MCTP2: variants seen among roughly 807,000 people sequenced by gnomAD.
MCTP2 encodes the protein multiple C2 and transmembrane domain-containing protein 2.
A neutral mutation model predicts 111.6 loss-of-function variants in MCTP2; 132 were observed. The observed-to-expected ratio is 1.18, with a 90% CI of 1.03 to 1.37. MCTP2 has a LOEUF of 1.37. Ranked by LOEUF, MCTP2 falls within the 40% of genes most tolerant of loss-of-function variation. The pLI is 0.00. For missense variants in MCTP2, 1,183 were observed against 1,067.9 expected (o/e 1.11, Z -1.50); for synonymous variants, 395 against 387.7 (o/e 1.02, Z -0.22).
At chr15:94,342,808 A>G (rs2077729431) in intron 7 of MCTP2, 2 of 150,722 alleles carry the variant, frequency 1.3e-5, no homozygotes, top group African/African-American at 4.9e-5. Flanking sequence ...CTCCATATCC[A>G]TATTTATTCA....
intron 18 of MCTP2, 80 bp downstream of exon 18, chr15:94,440,378 G>A: frequency 6.4e-7 from 1 of 1,570,638 alleles, no homozygotes; most frequent in Non-Finnish European, 8.7e-7. Context: ...CCAAATCATG[G>A]CCCAAGTCCA....
rs367626496 is a variant in MCTP2, at chr15:94,320,657, A to C, written c.637+5020A>C. Among the ~76,000 whole-genome samples, 12 of 152,336 alleles carry C rather than the reference A, an allele frequency of 7.9e-5. No homozygotes were observed. In the East Asian group the frequency reaches 1.9e-3, roughly 24 times the overall value. On this transcript the variant is annotated intron_variant, in intron 4 of 22. Coordinates refer to ENST00000357742, the MANE Select transcript of MCTP2 (RefSeq NM_001385001.1). Reference sequence around the variant, plus strand: ...CAACAAGCATGTCTTGGGTTTCCTCAGTGAAATGGGCACTACACTGGTGTT... The same window carrying C: ...CAACAAGCATGTCTTGGGTTTCCTCCGTGAAATGGGCACTACACTGGTGTT...
intron 4 of MCTP2, 50 bp from the exon 5 acceptor site, chr15:94,339,240 G>A (rs1337070370): frequency 1.4e-6 from 2 of 1,394,438 alleles, no homozygotes; most frequent in African/African-American, 2.9e-5. Flanking sequence ...AAAGTCCCAG[G>A]CTTTTACATG....
At chr15:94,416,950 C>A (rs2082404756) in intron 17 of MCTP2, among the ~76,000 whole-genome samples, 1 of 152,226 alleles carries the variant, frequency 6.6e-6, no homozygotes, top group East Asian at 1.9e-4. Context: ...TAATGTGAGA[C>A]TAAGGATTTA....
chr15:94,336,625 G>A (rs941154998), intron 4 of MCTP2, among the ~76,000 whole-genome samples: 23 of 151,978 alleles, frequency 1.5e-4, no homozygotes, highest in Admixed American at 3.3e-4. Flanking sequence ...AGGAAGGGAA[G>A]TGGGTGCAAC....
intron 4 of MCTP2, among the ~76,000 whole-genome samples, chr15:94,338,744 C>T (rs1023030035): frequency 6.6e-6 from 1 of 152,158 alleles, no homozygotes; most frequent in Non-Finnish European, 1.5e-5. Flanking sequence ...GGTGCGGGGA[C>T]GCAGCAAAGA....
intron 20 of MCTP2, among the ~76,000 whole-genome samples, chr15:94,458,560 C>G (rs979434305): frequency 6.6e-6 from 1 of 152,102 alleles, no homozygotes; most frequent in Non-Finnish European, 1.5e-5. Flanking sequence ...TTACCCTATT[C>G]AGAAATAAAA....
chr15:94,267,361 C>T (rs968248077), intron 1 of MCTP2, among the ~76,000 whole-genome samples: 11 of 152,080 alleles, frequency 7.2e-5, no homozygotes, highest in African/African-American at 1.7e-4. Flanking sequence ...AATTTATAAG[C>T]GTTATGCTAT....
intron 17 of MCTP2, among the ~76,000 whole-genome samples, chr15:94,406,860 T>G (rs2081924040): frequency 7.8e-6 from 1 of 127,826 alleles, no homozygotes; most frequent in Non-Finnish European, 1.7e-5. Flanking sequence ...TTTCAGTTGT[T>G]TTTTTTTTTT....
At chr15:94,428,686 A>G (rs552655725) in intron 17 of MCTP2, among the ~76,000 whole-genome samples, 2 of 151,446 alleles carry the variant, frequency 1.3e-5, no homozygotes, top group Non-Finnish European at 2.9e-5. Context: ...TATATCTATA[A>G]CCTTGTTTCT....
chr15:94,243,479 A>G (rs1371294304), intron 1 of MCTP2, among the ~76,000 whole-genome samples: 1 of 146,696 alleles, frequency 6.8e-6, no homozygotes, highest in Non-Finnish European at 1.5e-5. Flanking sequence ...ATGCGTATGT[A>G]CACACATACG....
At position 94,447,820 on chromosome 15, in the gene MCTP2, G is replaced by GT. The variant is rs570294456; in HGVS notation, c.2250+4862dup. Among the ~76,000 whole-genome samples the GT allele has an allele frequency of 2.6e-4, 39 of 152,310 alleles. 1 individual carries two copies. The highest frequency in any genetic ancestry group is 2.3e-3 in the Admixed American group (35 of 15,302). ...AAAAGCCAGAGAGTATCTTTGAATG[G>GT]TTAACAATAGTTGCATGTGCACACA... On this transcript the variant is annotated intron_variant, in intron 19 of 22. Coordinates refer to ENST00000357742, the MANE Select transcript of MCTP2 (RefSeq NM_001385001.1).
intron 19 of MCTP2, among the ~76,000 whole-genome samples, chr15:94,444,696 G>A (rs2084017294): frequency 1.3e-5 from 2 of 152,188 alleles, no homozygotes; most frequent in African/African-American, 2.4e-5. Context: ...GAAACTCCAG[G>A]AATTTTAGGA....
chr15:94,297,710 G>A (rs557858625), intron 1 of MCTP2, among the ~76,000 whole-genome samples: 1 of 152,154 alleles, frequency 6.6e-6, no homozygotes, highest in Non-Finnish European at 1.5e-5. Context: ...TCGCACAGCA[G>A]AGTTGAGTAG....
chr15:94,432,842 T>C (rs551951528), intron 17 of MCTP2, among the ~76,000 whole-genome samples: 1 of 152,310 alleles, frequency 6.6e-6, no homozygotes, highest in East Asian at 1.9e-4. Flanking sequence ...AATGAGGAGA[T>C]CCCAGAGTAC....
chr15:94,297,471 T>C (rs949530116), intron 1 of MCTP2, among the ~76,000 whole-genome samples: 2 of 152,198 alleles, frequency 1.3e-5, no homozygotes, highest in Non-Finnish European at 2.9e-5. Context: ...TTTTTATAAA[T>C]GTGTTTTGCT....
At chr15:94,348,819 T>G (rs1260491525) in intron 8 of MCTP2, among the ~76,000 whole-genome samples, 1 of 151,986 alleles carries the variant, frequency 6.6e-6, no homozygotes, top group Non-Finnish European at 1.5e-5. Flanking sequence ...TGTTGTACTG[T>G]TTTTTTGTTT....
intron 1 of MCTP2, among the ~76,000 whole-genome samples, chr15:94,234,424 C>T (rs1483472682): frequency 2.0e-5 from 3 of 152,164 alleles, no homozygotes; most frequent in African/African-American, 7.2e-5. Context: ...TGATTGCAAT[C>T]CGGCTTCCCC....
chr15:94,235,794 G>T (rs536692826), intron 1 of MCTP2, among the ~76,000 whole-genome samples: 1 of 152,318 alleles, frequency 6.6e-6, no homozygotes, highest in South Asian at 2.1e-4. Flanking sequence ...AGGCTGTCTG[G>T]TTTTAGAACC....
Sources: gnomAD v4.1 joint callset for allele counts (sites outside exome capture counted in the v4.1 genomes callset) on GRCh38, gnomAD v4.1.1 for gene constraint, MANE v1.5 for transcripts, NCBI Gene and HGNC (gene_info 2026-07-23, HGNC 2026-07-21) for gene names.